RAB27B: variants seen among roughly 807,000 people sequenced by gnomAD.
RAB27B encodes the protein ras-related protein Rab-27B.
A neutral mutation model predicts 24.6 loss-of-function variants in RAB27B; 15 were observed. The observed-to-expected ratio is 0.61, with a 90% CI of 0.41 to 0.94. RAB27B has a LOEUF of 0.94. Among genes scored for constraint, RAB27B ranks in the 40% least tolerant of loss-of-function variants. The probability of loss-of-function intolerance (pLI) is 0.00; values close to 1 mark genes in which losing one functional copy is unlikely to be tolerated. For missense variants in RAB27B, 261 were observed against 266.8 expected (o/e 0.98, Z 0.15); for synonymous variants, 105 against 92.5 (o/e 1.14, Z -0.78).
At chr18:54,831,629 G>A (rs1409860799) in intron 1 of RAB27B, among the ~76,000 whole-genome samples, 1 of 152,204 alleles carries the variant, frequency 6.6e-6, no homozygotes, top group Non-Finnish European at 1.5e-5. Flanking sequence ...TTTGGAAAGA[G>A]ACGGATAAGT....
chr18:54,733,483 G>C (rs1909789268), intron 2 of RAB27B, among the ~76,000 whole-genome samples: 1 of 150,932 alleles, frequency 6.6e-6, no homozygotes, highest in Admixed American at 6.6e-5. Context: ...CAACTACTGA[G>C]GTCACAAAAT....
chr18:54,723,214 G>A lies in RAB27B; in HGVS notation c.-20+5073G>A, dbSNP rs141042386. ...GCAGTGGGAGAGAGGTGGGCCAGGAGTAAAACTCAAGTTTATGAGACCTTG... is the reference window on the plus strand; with the variant it reads ...GCAGTGGGAGAGAGGTGGGCCAGGAATAAAACTCAAGTTTATGAGACCTTG... On this transcript the variant is annotated intron_variant, in intron 2 of 4. Coordinates refer to the RAB27B transcript ENST00000586570. Among the ~76,000 whole-genome samples the A allele has an allele frequency of 9.8e-5, 15 of 152,308 alleles. No individual in the cohort carries two copies. In the East Asian group the frequency reaches 2.9e-3, roughly 29 times the overall value.
intron 1 of RAB27B, among the ~76,000 whole-genome samples, 196 bp downstream of exon 1, chr18:54,828,896 G>A (rs1326745693): frequency 1.3e-5 from 2 of 152,178 alleles, no homozygotes; most frequent in Non-Finnish European, 2.9e-5. Context: ...TGCACGGATG[G>A]CATGGGCCAA....
chr18:54,860,367 A>G (rs973330714), intron 1 of RAB27B, among the ~76,000 whole-genome samples: 1 of 152,124 alleles, frequency 6.6e-6, no homozygotes, highest in Non-Finnish European at 1.5e-5. Context: ...GGCCCCCTAA[A>G]GCTTCTGCTT....
intron 1 of RAB27B, among the ~76,000 whole-genome samples, chr18:54,832,384 T>A (rs1317389192): frequency 6.6e-6 from 1 of 152,170 alleles, no homozygotes; most frequent in Non-Finnish European, 1.5e-5. Context: ...TGGATAAAAC[T>A]AGGGAAGAAA....
At chr18:54,838,387 T>C (rs1910977078) in intron 1 of RAB27B, among the ~76,000 whole-genome samples, 1 of 152,120 alleles carries the variant, frequency 6.6e-6, no homozygotes, top group Non-Finnish European at 1.5e-5. Context: ...ATGTTAATAT[T>C]TTTTTTCTAG....
intron 2 of RAB27B, among the ~76,000 whole-genome samples, chr18:54,789,964 A>G (rs886837357): frequency 6.6e-6 from 1 of 152,126 alleles, no homozygotes; most frequent in Non-Finnish European, 1.5e-5. Context: ...CAAATTCTGT[A>G]ATTATTTTAA....
At chr18:54,844,201 T>C (rs1911228085) in intron 1 of RAB27B, among the ~76,000 whole-genome samples, 1 of 152,096 alleles carries the variant, frequency 6.6e-6, no homozygotes. Flanking sequence ...CCCTGACAAA[T>C]GATTATGAGT....
intron 2 of RAB27B, among the ~76,000 whole-genome samples, chr18:54,741,496 T>C (rs943183025): frequency 1.3e-5 from 2 of 152,060 alleles, no homozygotes; most frequent in Non-Finnish European, 2.9e-5. Context: ...CTAAGCTCTT[T>C]TTTTCTTCTT....
At chr18:54,878,168 A>C (rs2145273017) in intron 2 of RAB27B, among the ~76,000 whole-genome samples, 1 of 152,320 alleles carries the variant, frequency 6.6e-6, no homozygotes, top group African/African-American at 2.4e-5. Flanking sequence ...GAGCTTTGTA[A>C]GCTCTTGCTG....
chr18:54,821,927 A>C (rs888679632), intron 2 of RAB27B, among the ~76,000 whole-genome samples: 2 of 151,940 alleles, frequency 1.3e-5, no homozygotes, highest in Admixed American at 6.5e-5. Context: ...TAATTTTTGT[A>C]TTATTAGTAG....
At chr18:54,741,880 T>TA (rs2145011910) in intron 2 of RAB27B, among the ~76,000 whole-genome samples, 1 of 152,276 alleles carries the variant, frequency 6.6e-6, no homozygotes, top group South Asian at 2.1e-4. Flanking sequence ...TGGCAGTAGG[T>TA]AAGAAGTCAA....
intron 2 of RAB27B, among the ~76,000 whole-genome samples, chr18:54,796,829 T>G (rs1017884083): frequency 1.8e-4 from 27 of 152,168 alleles, no homozygotes; most frequent in Non-Finnish European, 1.8e-4. Flanking sequence ...ACCCCTAGAC[T>G]GGGACCCTGC....
intron 2 of RAB27B, among the ~76,000 whole-genome samples, chr18:54,812,818 T>C (rs1910009286): frequency 6.6e-6 from 1 of 152,162 alleles, no homozygotes. Flanking sequence ...AGCACACATA[T>C]ATATGTATAT....
At chr18:54,888,545 A>T (rs904636740) in intron 5 of RAB27B, among the ~76,000 whole-genome samples, 1 of 151,558 alleles carries the variant, frequency 6.6e-6, no homozygotes, top group African/African-American at 2.4e-5. Flanking sequence ...TAGATGTAAA[A>T]CTCCAAGAAA....
At chr18:54,840,948 A>G (rs1355485381) in intron 1 of RAB27B, among the ~76,000 whole-genome samples, 3 of 152,080 alleles carry the variant, frequency 2.0e-5, no homozygotes, top group Non-Finnish European at 4.4e-5. Context: ...GGAGTTCGAG[A>G]CCAGCCTGGC....
At chr18:54,795,905 T>G (rs1909401366) in intron 2 of RAB27B, among the ~76,000 whole-genome samples, 2 of 152,144 alleles carry the variant, frequency 1.3e-5, no homozygotes, top group Non-Finnish European at 2.9e-5. Context: ...TTTATTGAGG[T>G]CTAGTCAACA....
rs1913438021 is a variant in RAB27B at position 54,893,200 on chromosome 18, C to T, written c.*3787C>T. The T allele has an allele frequency of 6.6e-6, 1 of 152,024 alleles. No homozygotes were observed. The allele number at this position is 152,024 out of a possible 1,614,324, so 9.4% of individuals were successfully genotyped here. A position where few individuals can be genotyped will look rare whatever the true frequency, so the allele number is the denominator to read the frequency against. ...ATTTAAAAAGGATACACAATTCTTTCCTCATTGCATATTACACCAAACGTT... is the reference window on the plus strand; with the variant it reads ...ATTTAAAAAGGATACACAATTCTTTTCTCATTGCATATTACACCAAACGTT... On this transcript the variant is annotated 3_prime_UTR_variant, in exon 6 of 6. Transcript: ENST00000262094.
At chr18:54,850,910 G>A (rs1911560106) in intron 1 of RAB27B, among the ~76,000 whole-genome samples, 1 of 151,894 alleles carries the variant, frequency 6.6e-6, no homozygotes, top group South Asian at 2.1e-4. Flanking sequence ...GATTTTGACA[G>A]ACCTTCAAAC....
Sources: gnomAD v4.1 joint callset for allele counts (sites outside exome capture counted in the v4.1 genomes callset) on GRCh38, gnomAD v4.1.1 for gene constraint, MANE v1.5 for transcripts, NCBI Gene and HGNC (gene_info 2026-07-23, HGNC 2026-07-21) for gene names.